Variants in GPR141 observed in about 807,000 individuals in gnomAD.
The protein encoded by GPR141 is probable G protein-coupled receptor 141.
Under a neutral mutation model 6.8 loss-of-function variants are expected in GPR141, and 6 were observed. The observed-to-expected ratio is 0.88, with a 90% confidence interval of 0.48 to 1.74. The LOEUF (loss-of-function observed/expected upper bound fraction) is 1.74. Ranked by LOEUF, GPR141 falls within the 40% of genes most tolerant of loss-of-function variation. The probability of loss-of-function intolerance (pLI) is 0.01; values close to 1 mark genes in which losing one functional copy is unlikely to be tolerated. For synonymous variants in GPR141, 140 were observed against 142.3 expected, an observed-to-expected ratio of 0.98 and a Z score of 0.11; for missense variants, 372 against 372.9, an observed-to-expected ratio of 1.00 and a Z score of 0.02.
chr7:37,734,025 A>G (rs1812116583), intron 2 of GPR141, among the ~76,000 whole-genome samples: 1 of 152,084 alleles, frequency 6.6e-6, no homozygotes, highest in Admixed American at 6.5e-5. Flanking sequence ...TACAAAAGTT[A>G]GGCCAGGCGT....
At chr7:37,707,631 A>T (rs955695987) in intron 2 of GPR141, among the ~76,000 whole-genome samples, 1 of 152,222 alleles carries the variant, frequency 6.6e-6, no homozygotes. Flanking sequence ...CAATTTACAG[A>T]TAAGGAAAAT....
rs1228582002 is a variant in GPR141 at position 37,740,362 on chromosome 7, G to T, written c.-14-18G>T. The T allele has an allele frequency of 6.7e-7, 1 of 1,487,432 alleles. No homozygotes were observed. The highest frequency in any genetic ancestry group is 2.3e-5 in the East Asian group (1 of 44,006). 92.1% of individuals were successfully genotyped at this position (1,487,432 alleles called of 1,614,324 possible). A position where few individuals can be genotyped will look rare whatever the true frequency, so the allele number is the denominator to read the frequency against. ...CTCTGAAAGCTTGTCAGTTACTCTG[G>T]TGCTTTTTCTCCTCCAGGTGACTTC... On this transcript the variant is annotated intron_variant, in intron 2 of 2. Coordinates refer to ENST00000334425, the MANE Select transcript of GPR141 (RefSeq NM_001381946.1).
intron 2 of GPR141, among the ~76,000 whole-genome samples, chr7:37,730,880 C>T (rs1387191956): frequency 6.6e-6 from 1 of 152,228 alleles, no homozygotes; most frequent in Non-Finnish European, 1.5e-5. Context: ...GAAGACATTT[C>T]CTTTCAAGGT....
intron 2 of GPR141, among the ~76,000 whole-genome samples, chr7:37,714,817 A>G (rs916773174): frequency 6.6e-6 from 1 of 152,236 alleles, no homozygotes; most frequent in Admixed American, 6.5e-5. Context: ...GTGTGGAAAC[A>G]GGATGTAAGC....
intron 2 of GPR141, among the ~76,000 whole-genome samples, chr7:37,734,169 C>T (rs530855274): frequency 6.6e-6 from 1 of 152,168 alleles, no homozygotes; most frequent in South Asian, 2.1e-4. Context: ...CAAGACTGTC[C>T]CAACTCATTA....
rs767223162 is a variant in GPR141 at position 37,740,389 on chromosome 7, C to T, written c.-5C>T. The T allele has an allele frequency of 2.2e-5, 34 of 1,581,030 alleles. No individual in the cohort carries two copies. The highest frequency in any genetic ancestry group is 2.8e-5 in the Non-Finnish European group (33 of 1,160,118). On this transcript the variant is annotated 5_prime_UTR_variant, in exon 3 of 3. Transcript: ENST00000334425. The stretch of plus-strand genomic sequence containing the variant: ...GCTTTTTCTCCTCCAGGTGACTTCC[C>T]AAGTATGCCTGGCCACAATACCTCC...
chr7:37,728,337 A>T (rs1811735450), intron 2 of GPR141, among the ~76,000 whole-genome samples: 1 of 118,460 alleles, frequency 8.4e-6, no homozygotes, highest in South Asian at 3.0e-4. Context: ...TACAGTAGAC[A>T]GTTAGAGTGA....
intron 2 of GPR141, among the ~76,000 whole-genome samples, chr7:37,716,858 C>T (rs1247051550): frequency 6.6e-6 from 1 of 152,220 alleles, no homozygotes; most frequent in African/African-American, 2.4e-5. Flanking sequence ...AATACCTGAG[C>T]TTTCAGCTAA....
At chr7:37,729,873 T>A (rs1205134071) in intron 2 of GPR141, 1 of 152,238 alleles carries the variant, frequency 6.6e-6, no homozygotes, top group African/African-American at 2.4e-5. Flanking sequence ...GAATGGATTG[T>A]CTCCGTGGAA....
intron 2 of GPR141, among the ~76,000 whole-genome samples, chr7:37,703,037 C>T (rs1264284105): frequency 1.3e-5 from 2 of 151,866 alleles, no homozygotes; most frequent in African/African-American, 4.8e-5. Context: ...CAAATGTATC[C>T]TCCATATGTA....
intron 2 of GPR141, 86 bp from the exon 3 acceptor site, chr7:37,740,294 G>A: frequency 1.2e-6 from 1 of 810,172 alleles, no homozygotes; most frequent in South Asian, 1.7e-5. Flanking sequence ...CACATAAATG[G>A]CAAAGTCACA....
chr7:37,697,838 A>G (rs1367087258), intron 2 of GPR141, among the ~76,000 whole-genome samples: 1 of 152,190 alleles, frequency 6.6e-6, no homozygotes, highest in East Asian at 1.9e-4. Flanking sequence ...TCTTTAGGTG[A>G]TTATGAAGGC....
chr7:37,742,824 C>T lies in GPR141; in HGVS notation c.*1513C>T, dbSNP rs756161505. On this transcript the variant is annotated 3_prime_UTR_variant, in exon 3 of 3. Coordinates refer to ENST00000334425, the MANE Select transcript of GPR141 (RefSeq NM_001381946.1). ...GACACATGTTTACCTATGTAACAAA[C>T]CTGCACATGTACCCCTGAACTTAAA... Among the ~76,000 whole-genome samples, 4 of 152,058 alleles carry T rather than the reference C, an allele frequency of 2.6e-5. No homozygotes were observed. The highest frequency in any genetic ancestry group is 5.9e-5 in the Non-Finnish European group (4 of 68,010).
At chr7:37,712,180 A>C (rs1432948139) in intron 2 of GPR141, among the ~76,000 whole-genome samples, 1 of 152,092 alleles carries the variant, frequency 6.6e-6, no homozygotes, top group Non-Finnish European at 1.5e-5. Flanking sequence ...CCCAAGGGGG[A>C]GAGTGGGTGG....
chr7:37,728,882 A>G (rs1811769370), intron 2 of GPR141, among the ~76,000 whole-genome samples: 2 of 152,182 alleles, frequency 1.3e-5, no homozygotes, highest in Admixed American at 1.3e-4. Context: ...AGGTCAGCTA[A>G]TATGTCAGTT....
intron 2 of GPR141, among the ~76,000 whole-genome samples, chr7:37,729,536 C>T (rs1403835773): frequency 1.3e-5 from 2 of 152,154 alleles, no homozygotes; most frequent in Admixed American, 6.5e-5. Flanking sequence ...AAATTATATG[C>T]TAGTTTTGAA....
At chr7:37,724,398 A>C (rs534280029) in intron 2 of GPR141, among the ~76,000 whole-genome samples, 1 of 152,332 alleles carries the variant, frequency 6.6e-6, no homozygotes, top group African/African-American at 2.4e-5. Context: ...AGAGAGTTCG[A>C]ATATGAACAA....
At position 37,743,535 on chromosome 7, in the gene GPR141, A is replaced by G. The variant is rs1367921082; in HGVS notation, c.*2224A>G. Among the ~76,000 whole-genome samples the G allele has an allele frequency of 7.6e-6, 1 of 132,440 alleles. No individual in the cohort carries two copies. The allele number at this position is 132,440 out of a possible 152,430, so 86.9% of individuals were successfully genotyped here. On this transcript the variant is annotated 3_prime_UTR_variant, in exon 3 of 3. Transcript: ENST00000334425. ...CCCTGATAGTTTTAAGAAAATTTATAATACCTATAAATATGTAAAAAAAAT... is the reference window on the plus strand; with the variant it reads ...CCCTGATAGTTTTAAGAAAATTTATGATACCTATAAATATGTAAAAAAAAT...
chr7:37,702,051 C>T (rs1810299502), intron 2 of GPR141, among the ~76,000 whole-genome samples: 1 of 151,994 alleles, frequency 6.6e-6, no homozygotes, highest in African/African-American at 2.4e-5. Flanking sequence ...CAATTTCTTT[C>T]TTGTTTGGTT....
Sources: gnomAD v4.1 joint callset for allele counts (sites outside exome capture counted in the v4.1 genomes callset) on GRCh38, gnomAD v4.1.1 for gene constraint, MANE v1.5 for transcripts, NCBI Gene and HGNC (gene_info 2026-07-23, HGNC 2026-07-21) for gene names.